ROCK2: variants seen among roughly 807,000 people sequenced by gnomAD.
ROCK2 encodes Rho associated coiled-coil containing protein kinase 2.
ROCK2 carries 61 observed loss-of-function variants against 195.1 expected under a neutral mutation model. The observed-to-expected ratio is 0.31, with a 90% CI of 0.25 to 0.39. ROCK2 has a LOEUF of 0.39. Among genes scored for constraint, ROCK2 ranks in the 10% least tolerant of loss-of-function variants. The probability of loss-of-function intolerance (pLI) is 1.00; values close to 1 mark genes in which losing one functional copy is unlikely to be tolerated. For synonymous variants in ROCK2, 504 were observed against 545.5 expected (o/e 0.92, Z 1.06); for missense variants, 1,109 against 1,637.4 (o/e 0.68, Z 5.57).
intron 1 of ROCK2, among the ~76,000 whole-genome samples, chr2:11,324,618 C>T (rs898719054): frequency 6.6e-6 from 1 of 152,044 alleles, no homozygotes; most frequent in Non-Finnish European, 1.5e-5. Flanking sequence ...AGCTATCAAG[C>T]CATGAAAAGA....
At chr2:11,307,278 T>G (rs1667887127) in intron 1 of ROCK2, among the ~76,000 whole-genome samples, 2 of 152,244 alleles carry the variant, frequency 1.3e-5, no homozygotes, top group South Asian at 4.1e-4. Context: ...CTTCCTTTCT[T>G]GCATAATTGT....
At chr2:11,268,930 T>TA (rs1339546907) in intron 3 of ROCK2, among the ~76,000 whole-genome samples, 1 of 152,192 alleles carries the variant, frequency 6.6e-6, no homozygotes, top group African/African-American at 2.4e-5. Context: ...TCATACCCCT[T>TA]AGACTCTGTT....
At chr2:11,287,858 T>C (rs1300697741) in intron 1 of ROCK2, 122 bp from the exon 2 acceptor site, 3 of 389,040 alleles carry the variant, frequency 7.7e-6, no homozygotes, top group South Asian at 1.0e-4. Flanking sequence ...TTTGATATGA[T>C]AGTGTCCATA....
chr2:11,218,929 A>C (rs774619338), intron 10 of ROCK2, 37 bp downstream of exon 10: 20 of 1,202,362 alleles, frequency 1.7e-5, no homozygotes, highest in African/African-American at 1.2e-4. Flanking sequence ...TTAAACATGA[A>C]ACTAAAATAA....
At chr2:11,285,381 C>A (rs1667152443) in intron 3 of ROCK2, among the ~76,000 whole-genome samples, 1 of 151,832 alleles carries the variant, frequency 6.6e-6, no homozygotes, top group South Asian at 2.1e-4. Context: ...AAAACTAGTA[C>A]ATTAGTTATA....
At chr2:11,268,554 GTGTC>G (rs1326110250) in intron 3 of ROCK2, among the ~76,000 whole-genome samples, 8 of 145,806 alleles carry the variant, frequency 5.5e-5, no homozygotes, top group African/African-American at 1.6e-4. Context: ...GTGTGTGTGT[GTGTC>G]TCTGCATTCA....
At chr2:11,247,082 G>C (rs1366927980) in intron 4 of ROCK2, among the ~76,000 whole-genome samples, 1 of 152,148 alleles carries the variant, frequency 6.6e-6, no homozygotes, top group African/African-American at 2.4e-5. Context: ...AAAACATTAG[G>C]CTAGGTGAAA....
chr2:11,243,440 G>A (rs1665498087), intron 4 of ROCK2, among the ~76,000 whole-genome samples: 1 of 151,992 alleles, frequency 6.6e-6, no homozygotes, highest in Non-Finnish European at 1.5e-5. Flanking sequence ...TTCTGAAAAC[G>A]CCTTCTCCAA....
chr2:11,304,425 A>T (rs562830988), intron 1 of ROCK2, among the ~76,000 whole-genome samples: 1 of 152,224 alleles, frequency 6.6e-6, no homozygotes, highest in African/African-American at 2.4e-5. Flanking sequence ...AACACTTACA[A>T]ATCTGGTCAA....
At position 11,341,191 on chromosome 2, in the gene ROCK2, A is replaced by G. The variant is rs187348650; in HGVS notation, c.141+2805T>C. Among the ~76,000 whole-genome samples the G allele has an allele frequency of 2.8e-4, 43 of 152,318 alleles. No individual in the cohort carries two copies. In the East Asian group the frequency reaches 6.2e-3, roughly 22 times the overall value. On this transcript the variant is annotated intron_variant, in intron 1 of 32. Coordinates refer to ENST00000315872, the MANE Select transcript of ROCK2 (RefSeq NM_004850.5). ...TTCTCAGATTAATTTAAGGACCCAC[A>G]TAAAGCCATGAGCCTTTGCAGAGAA...
intron 3 of ROCK2, among the ~76,000 whole-genome samples, chr2:11,274,916 C>G (rs1666770906): frequency 6.6e-6 from 1 of 152,114 alleles, no homozygotes; most frequent in African/African-American, 2.4e-5. Context: ...ACATACATAT[C>G]TATGATAAAG....
At chr2:11,240,534 AT>A (rs1384608493) in intron 4 of ROCK2, among the ~76,000 whole-genome samples, 1 of 152,234 alleles carries the variant, frequency 6.6e-6, no homozygotes, top group Non-Finnish European at 1.5e-5. Context: ...ATATTGTATG[AT>A]TCCATTTATA....
rs56736410 is a variant in ROCK2, at chr2:11,263,980, G to GA, written c.325-14183dup. 1.8e-3 allele frequency among the ~76,000 whole-genome samples: 254 copies of GA among 139,608 alleles called. 2 individuals are homozygous for GA. The highest frequency in any genetic ancestry group is 5.4e-3 in the East Asian group (26 of 4,846). 91.6% of individuals were successfully genotyped at this position (139,608 alleles called of 152,430 possible). A position where few individuals can be genotyped will look rare whatever the true frequency, so the allele number is the denominator to read the frequency against. On this transcript the variant is annotated intron_variant, in intron 3 of 32. Coordinates refer to ENST00000315872, the MANE Select transcript of ROCK2 (RefSeq NM_004850.5). ...AGGTGGGGAAATAAAGAAAAAAGATGAAAAAAAAAAAAACATGTATGCTAA... is the reference window on the plus strand; with the variant it reads ...AGGTGGGGAAATAAAGAAAAAAGATGAAAAAAAAAAAAAACATGTATGCTAA...
At chr2:11,329,870 T>C (rs929995803) in intron 1 of ROCK2, among the ~76,000 whole-genome samples, 1 of 152,236 alleles carries the variant, frequency 6.6e-6, no homozygotes, top group Non-Finnish European at 1.5e-5. Flanking sequence ...CATATTCTAA[T>C]TTTAAATGTT....
intron 3 of ROCK2, among the ~76,000 whole-genome samples, chr2:11,270,383 A>G (rs965451096): frequency 6.6e-6 from 1 of 151,984 alleles, no homozygotes; most frequent in African/African-American, 2.4e-5. Context: ...GGCTTTCTGG[A>G]TCTGTGGTTT....
chr2:11,218,368 T>C, intron 11 of ROCK2, 87 bp downstream of exon 11: 2 of 974,436 alleles, frequency 2.1e-6, no homozygotes, highest in Non-Finnish European at 3.0e-6. Flanking sequence ...GTACTCCAAA[T>C]GCTAGGTAGG....
chr2:11,329,840 A>G (rs1355082285), intron 1 of ROCK2, among the ~76,000 whole-genome samples: 5 of 152,214 alleles, frequency 3.3e-5, no homozygotes, highest in African/African-American at 4.8e-5. Flanking sequence ...TAACCTGAAT[A>G]TAACAACATA....
At chr2:11,240,466 T>C (rs207461519) in intron 4 of ROCK2, among the ~76,000 whole-genome samples, 2 of 152,236 alleles carry the variant, frequency 1.3e-5, no homozygotes, top group Non-Finnish European at 2.9e-5. Context: ...AACGTTACAA[T>C]GTGGATGAAC....
intron 1 of ROCK2, among the ~76,000 whole-genome samples, chr2:11,342,126 C>T (rs1669125882): frequency 6.6e-6 from 1 of 152,044 alleles, no homozygotes; most frequent in African/African-American, 2.4e-5. Context: ...CACCAGGAAC[C>T]TTGCTCCAAA....
Sources: allele counts gnomAD v4.1 joint callset (sites outside exome capture counted in the v4.1 genomes callset), GRCh38; gene constraint gnomAD v4.1.1; transcripts MANE v1.5; gene names NCBI Gene and HGNC (gene_info 2026-07-23, HGNC 2026-07-21).